Variants in BBS7 observed in about 807,000 individuals in gnomAD.
BBS7 encodes BBSome complex member BBS7.
BBS7 carries 50 observed loss-of-function variants against 90.3 expected under a neutral mutation model. The ratio of observed to expected loss-of-function variants is 0.55; its 90% confidence interval spans 0.44 to 0.70. The LOEUF is 0.70. Among genes scored for constraint, BBS7 ranks in the 30% least tolerant of loss-of-function variants. The pLI is 0.00. For synonymous variants in BBS7, 235 were observed against 287.4 expected (o/e 0.82, Z 1.85); for missense variants, 729 against 838.9 (o/e 0.87, Z 1.62).
At chr4:121,866,072 T>G (rs1460902799) in intron 2 of BBS7, among the ~76,000 whole-genome samples, 4 of 152,242 alleles carry the variant, frequency 2.6e-5, no homozygotes, top group African/African-American at 9.6e-5. Context: ...ATTGCTTGTT[T>G]GTTTGCTATT....
chr4:121,833,487 G>A, intron 14 of BBS7, 92 bp from the exon 15 acceptor site: 1 of 1,135,250 alleles, frequency 8.8e-7, no homozygotes, highest in Non-Finnish European at 1.3e-6. Flanking sequence ...TGTAATAGTT[G>A]TTAAATATAA....
At position 121,852,992 on chromosome 4, in the gene BBS7, A is replaced by T; in HGVS notation, c.813T>A (p.Phe271Leu). ...RDDGMVEVYSFDNANEPVLRF... is the reference protein window; with the variant it reads ...RDDGMVEVYSLDNANEPVLRF... ...GTAGAACAGGTTCATTTGCATTATC[A>T]AAACTATACACTTCCACCATTCCGT... The change falls in exon 8 of 19, where the codon TTT becomes TTA. Residue 271 changes from phenylalanine (F) to leucine (L), a missense_variant. Coordinates refer to ENST00000264499, the MANE Select transcript of BBS7 (RefSeq NM_176824.3). 6.2e-7 allele frequency: 1 copy of T among 1,613,818 alleles called. No individual in the cohort carries two copies.
chr4:121,835,149 A>G lies in BBS7; in HGVS notation c.1506T>C (p.His502=). ...TGCTCTTTCCTTTGTCCTACCTGTCATGATCAATAAAGTGAGTTCTTTGAT... is the reference window on the plus strand; with the variant it reads ...TGCTCTTTCCTTTGTCCTACCTGTCGTGATCAATAAAGTGAGTTCTTTGAT... ...SLHQRTHFID[H]DRPMNTLTLT... Residue 502 remains histidine, a synonymous_variant, in exon 14 of 19, where the codon CAT becomes CAC. Transcript: ENST00000264499. The G allele has an allele frequency of 6.2e-7, 1 of 1,613,856 alleles. No homozygotes were observed. Among genetic ancestry groups the G allele is most frequent in the Non-Finnish European group, 8.5e-7 (1 of 1,179,788 alleles).
chr4:121,842,367 G>A (rs1170418794), intron 12 of BBS7, among the ~76,000 whole-genome samples: 1 of 151,810 alleles, frequency 6.6e-6, no homozygotes, highest in African/African-American at 2.4e-5. Flanking sequence ...AGACGTGGTG[G>A]CTCATGCTTA....
chr4:121,834,099 A>AT (rs1725329548), intron 14 of BBS7, among the ~76,000 whole-genome samples: 10 of 152,216 alleles, frequency 6.6e-5, no homozygotes, highest in Admixed American at 3.3e-4. Flanking sequence ...AACATTAAAA[A>AT]AACTGTAAAA....
At chr4:121,830,585 A>T (rs1030269420) in intron 15 of BBS7, among the ~76,000 whole-genome samples, 1 of 152,204 alleles carries the variant, frequency 6.6e-6, no homozygotes, top group African/African-American at 2.4e-5. Context: ...ATCTTCTTTT[A>T]ATCATCATAA....
intron 11 of BBS7, among the ~76,000 whole-genome samples, chr4:121,845,206 TA>T (rs1393577674): frequency 6.6e-6 from 1 of 151,786 alleles, no homozygotes; most frequent in East Asian, 1.9e-4. Flanking sequence ...CCGTCTCTAC[TA>T]AAAATACAAA....
intron 14 of BBS7, 41 bp downstream of exon 14, chr4:121,835,103 T>C (rs1378869834): frequency 6.2e-6 from 10 of 1,605,176 alleles, no homozygotes; most frequent in Non-Finnish European, 7.7e-6. Context: ...ATTTGAATTG[T>C]GTAATATCCT....
At chr4:121,835,901 A>G (rs1725428652) in intron 13 of BBS7, among the ~76,000 whole-genome samples, 1 of 152,180 alleles carries the variant, frequency 6.6e-6, no homozygotes, top group African/African-American at 2.4e-5. Flanking sequence ...GTCACCTGCA[A>G]TCCTCCCACC....
chr4:121,849,610 C>T (rs1231927554), intron 8 of BBS7, among the ~76,000 whole-genome samples: 12 of 152,210 alleles, frequency 7.9e-5, no homozygotes, highest in African/African-American at 2.2e-4. Context: ...GGGCGGATCA[C>T]GAGGTGAAGA....
At chr4:121,850,962 C>T (rs752879187) in intron 8 of BBS7, among the ~76,000 whole-genome samples, 22 of 152,234 alleles carry the variant, frequency 1.4e-4, no homozygotes, top group Non-Finnish European at 2.1e-4. Flanking sequence ...GTCAAATATC[C>T]GCATTTTTAA....
chr4:121,858,715 T>C lies in BBS7; in HGVS notation c.528+277A>G, dbSNP rs992390943. ...AACAAAAAGGCAGGTAAAGGTTCTC[T>C]GTAGTCAAAGTACTCCATTCTGATA... is the stretch of plus-strand genomic sequence containing the variant. On this transcript the variant is annotated intron_variant, in intron 5 of 18. Transcript: ENST00000264499. 1.4e-4 allele frequency: 47 copies of C among 325,990 alleles called. 1 individual carries two copies. In the East Asian group the frequency reaches 3.1e-3, roughly 21 times the overall value. 20.2% of individuals were successfully genotyped at this position (325,990 alleles called of 1,614,324 possible).
At position 121,855,483 on chromosome 4, in the gene BBS7, G is replaced by A; in HGVS notation, c.601+6C>T. 3 of 1,612,050 alleles carry A rather than the reference G, an allele frequency of 1.9e-6. No homozygotes were observed. The highest frequency in any genetic ancestry group is 1.3e-5 in the African/African-American group (1 of 74,960). ...GTTGATTTGTGAAAAATAAAATCCT[G>A]ATTACCGCCATTTCCATTGTGTAGT... On this transcript the variant is annotated splice_donor_region_variant and intron_variant, in intron 6 of 18. Transcript: ENST00000264499.
intron 11 of BBS7, 125 bp from the exon 12 acceptor site, chr4:121,844,126 A>G (rs987785866): frequency 3.1e-6 from 2 of 649,012 alleles, no homozygotes; most frequent in African/African-American, 3.7e-5. Context: ...GAGAGTATGA[A>G]TTCTCTTAAC....
At chr4:121,857,808 C>CTTTTT (rs5861541) in intron 5 of BBS7, among the ~76,000 whole-genome samples, 9 of 132,394 alleles carry the variant, frequency 6.8e-5, no homozygotes, top group East Asian at 2.2e-4. Flanking sequence ...TTTTTCTTTT[C>CTTTTT]TTTTTTTTTT....
At chr4:121,858,835 A>G in intron 5 of BBS7, 157 bp downstream of exon 5, 3 of 720,204 alleles carry the variant, frequency 4.2e-6, no homozygotes, top group Non-Finnish European at 6.7e-6. Context: ...ATTTGACTCA[A>G]GTTAAAAAAA....
intron 8 of BBS7, among the ~76,000 whole-genome samples, chr4:121,849,311 C>T (rs1037767020): frequency 6.6e-6 from 1 of 152,180 alleles, no homozygotes. Flanking sequence ...AACGATCCTC[C>T]CTCCTTAGGC....
At chr4:121,848,750 T>C (rs1726145522) in intron 9 of BBS7, 94 bp downstream of exon 9, 2 of 1,030,334 alleles carry the variant, frequency 1.9e-6, no homozygotes, top group Admixed American at 1.8e-5. Context: ...CTACTATAAC[T>C]GTTTTTTAAA....
intron 4 of BBS7, among the ~76,000 whole-genome samples, chr4:121,859,976 A>G (rs1726890281): frequency 6.6e-6 from 1 of 152,068 alleles, no homozygotes; most frequent in Admixed American, 6.5e-5. Context: ...TGTTATTACC[A>G]TATTTATCAT....
Sources: gnomAD v4.1 joint callset for allele counts (sites outside exome capture counted in the v4.1 genomes callset) on GRCh38, gnomAD v4.1.1 for gene constraint, MANE v1.5 for transcripts, NCBI Gene and HGNC (gene_info 2026-07-23, HGNC 2026-07-21) for gene names.